Variants in TCTN2 observed in about 807,000 individuals in gnomAD.
TCTN2 encodes the protein tectonic-2.
Under a neutral mutation model 83.4 loss-of-function variants are expected in TCTN2, and 66 were observed. The observed-to-expected ratio is 0.79, with a 90% CI of 0.65 to 0.97. The LOEUF (loss-of-function observed/expected upper bound fraction) is 0.97. TCTN2 is among the 50% of genes least tolerant of loss of function. TCTN2 has a pLI of 0.00. For missense variants in TCTN2, 794 were observed against 858.1 expected, an observed-to-expected ratio of 0.93 and a Z score of 0.93; for synonymous variants, 301 against 326.7, an observed-to-expected ratio of 0.92 and a Z score of 0.85.
In TCTN2 at chr12:123,672,054, A is replaced by T. The variant is rs368944276; in HGVS notation, c.191-2A>T. 1.9e-6 allele frequency: 3 copies of T among 1,613,922 alleles called. No homozygotes were observed. The highest frequency in any genetic ancestry group is 2.5e-6 in the Non-Finnish European group (3 of 1,179,858). On this transcript the variant is annotated splice_acceptor_variant, in intron 2 of 17. Coordinates refer to ENST00000303372, the MANE Select transcript of TCTN2 (RefSeq NM_024809.5). LOFTEE classifies it high-confidence loss of function. ...CTTTGCATGCTGGTCTTCTTTCTTTAGGAATATTGCCAATTCCGACGTGTG... is the reference window on the plus strand; with the variant it reads ...CTTTGCATGCTGGTCTTCTTTCTTTTGGAATATTGCCAATTCCGACGTGTG...
chr12:123,674,424 C>CACGCCCACGCTAT (rs1566243784), intron 4 of TCTN2, among the ~76,000 whole-genome samples: 5 of 151,912 alleles, frequency 3.3e-5, no homozygotes, highest in African/African-American at 1.2e-4. Flanking sequence ...GCTCACGCTA[C>CACGCCCACGCTAT]CACGCCCAGC....
intron 4 of TCTN2, among the ~76,000 whole-genome samples, chr12:123,677,820 G>A (rs1593835871): frequency 6.6e-6 from 1 of 151,924 alleles, no homozygotes; most frequent in Middle Eastern, 3.4e-3. Context: ...AGTATAGATG[G>A]GGTTTCTCCA....
chr12:123,677,626 G>A (rs1272367391), intron 4 of TCTN2, among the ~76,000 whole-genome samples: 1 of 152,052 alleles, frequency 6.6e-6, no homozygotes, highest in South Asian at 2.1e-4. Flanking sequence ...TAAACAACGG[G>A]CCCTGCCAAT....
chr12:123,698,307 G>T (rs577641354), intron 13 of TCTN2, among the ~76,000 whole-genome samples: 1 of 151,920 alleles, frequency 6.6e-6, no homozygotes, highest in East Asian at 1.9e-4. Context: ...CTCCTAAAGT[G>T]CTGGGATTAC....
intron 13 of TCTN2, among the ~76,000 whole-genome samples, chr12:123,697,773 C>T (rs1322530600): frequency 2.6e-5 from 4 of 152,034 alleles, no homozygotes; most frequent in African/African-American, 2.4e-5. Context: ...GGATTATAGG[C>T]GTAAGCCACC....
chr12:123,706,610 T>C, intron 15 of TCTN2, 116 bp from the exon 16 acceptor site: 1 of 1,498,198 alleles, frequency 6.7e-7, no homozygotes, highest in Non-Finnish European at 9.3e-7. Flanking sequence ...CCAGGTAGAA[T>C]GCGAAACTTC....
chr12:123,693,553 A>G (rs1481641462), intron 9 of TCTN2, among the ~76,000 whole-genome samples: 2 of 150,554 alleles, frequency 1.3e-5, no homozygotes, highest in Non-Finnish European at 3.0e-5. Context: ...CCTGGGTTCA[A>G]GCAGTTCTCC....
chr12:123,698,668 C>T (rs1192894133), intron 13 of TCTN2, among the ~76,000 whole-genome samples: 1 of 151,974 alleles, frequency 6.6e-6, no homozygotes, highest in Non-Finnish European at 1.5e-5. Context: ...TGGGCTCAAA[C>T]GATCCTCCTG....
rs1956256778 is a variant in TCTN2, at chr12:123,708,251, C to T, written c.*538C>T. Reference sequence around the variant, plus strand: ...CAGATGATCTGCCCACCTCGGCCTCCCAAAGTGCTGGGATCACAGACGTGA... The same window carrying T: ...CAGATGATCTGCCCACCTCGGCCTCTCAAAGTGCTGGGATCACAGACGTGA... On this transcript the variant is annotated 3_prime_UTR_variant, in exon 18 of 18. Transcript: ENST00000303372. The T allele has an allele frequency of 2.4e-5, 4 of 166,874 alleles. No homozygotes were observed. The South Asian group carries it at 4.4e-4, about 18-fold the overall frequency. The allele number at this position is 166,874 out of a possible 1,614,324, so 10.3% of individuals were successfully genotyped here.
intron 9 of TCTN2, among the ~76,000 whole-genome samples, chr12:123,693,513 T>C (rs969757152): frequency 1.4e-5 from 2 of 139,212 alleles, no homozygotes. Context: ...AGTGCAGTGG[T>C]GTAATCTTGG....
At position 123,688,114 on chromosome 12, in the gene TCTN2, C is replaced by T. The variant is rs1955996563; in HGVS notation, c.828C>T (p.Asp276=). 1 of 1,613,778 alleles carries T rather than the reference C, an allele frequency of 6.2e-7. No homozygotes were observed. Among genetic ancestry groups the T allele is most frequent in the South Asian group, 1.1e-5 (1 of 91,082 alleles). ...YVDTDAKDFA[D]FGYKQGDPIM... is the part of the protein sequence containing the mutation. Reference sequence around the variant, plus strand: ...ATACTGACGCAAAAGACTTTGCAGACTTTGGTTACAAACAAGGAGATCCCA... The same window carrying T: ...ATACTGACGCAAAAGACTTTGCAGATTTTGGTTACAAACAAGGAGATCCCA... The change falls in exon 7 of 18, where the codon GAC becomes GAT. Residue 276 remains aspartate, a synonymous_variant. Transcript: ENST00000303372.
Position 123,692,636 on chromosome 12 carries a change from T to C in TCTN2, c.1034-22T>C, listed in dbSNP as rs776632502. On this transcript the variant is annotated intron_variant, in intron 8 of 17. Coordinates refer to ENST00000303372, the MANE Select transcript of TCTN2 (RefSeq NM_024809.5). ...TAGGCCATGTGTACGCCTGTGGAAG[T>C]TAATTTATGTTATCTCTTTAGGCAT... 19 of 1,596,162 alleles carry C rather than the reference T, an allele frequency of 1.2e-5. No individual in the cohort carries two copies. The South Asian group carries it at 2.1e-4, about 18-fold the overall frequency.
rs764896918 is a variant in TCTN2 at position 123,673,661 on chromosome 12, G to C, written c.314G>C (p.Cys105Ser). 2.5e-5 allele frequency: 40 copies of C among 1,614,224 alleles called. No homozygotes were observed. In the South Asian group the frequency reaches 3.5e-4, roughly 14 times the overall value. Residue 105 changes from cysteine to serine, a missense_variant, in exon 4 of 18, where the codon TGT becomes TCT. Coordinates refer to ENST00000303372, the MANE Select transcript of TCTN2 (RefSeq NM_024809.5). ...TVRWKRGLDWCSSNETDSFSE... is the reference protein window; with the variant it reads ...TVRWKRGLDWSSSNETDSFSE... Reference sequence around the variant, plus strand: ...AGGTGGAAGAGAGGTCTGGACTGGTGTTCCTCCAATGAGACAGATTCCTTC... The same window carrying C: ...AGGTGGAAGAGAGGTCTGGACTGGTCTTCCTCCAATGAGACAGATTCCTTC...
chr12:123,687,158 A>G (rs370606986), intron 6 of TCTN2, 123 bp downstream of exon 6: 3 of 1,103,868 alleles, frequency 2.7e-6, no homozygotes, highest in African/African-American at 1.5e-5. Context: ...TTCCGTGCCT[A>G]AAGGGTTCAA....
chr12:123,702,216 G>A (rs970397062), intron 14 of TCTN2, among the ~76,000 whole-genome samples: 1 of 152,184 alleles, frequency 6.6e-6, no homozygotes, highest in African/African-American at 2.4e-5. Context: ...CCCAATGAGT[G>A]TGCGCATCTG....
intron 5 of TCTN2, among the ~76,000 whole-genome samples, chr12:123,681,961 CCTT>C (rs1446619750): frequency 6.6e-6 from 1 of 152,044 alleles, no homozygotes; most frequent in Non-Finnish European, 1.5e-5. Context: ...TTTATGATTT[CCTT>C]CTTTGTTTTT....
At chr12:123,694,320 G>C (rs903618970) in intron 9 of TCTN2, among the ~76,000 whole-genome samples, 12 of 152,306 alleles carry the variant, frequency 7.9e-5, no homozygotes, top group Admixed American at 7.8e-4. Context: ...GTAGAGACAG[G>C]GTTTCGCCAT....
intron 5 of TCTN2, among the ~76,000 whole-genome samples, chr12:123,681,349 G>C (rs1030336883): frequency 3.3e-5 from 5 of 151,994 alleles, no homozygotes; most frequent in African/African-American, 1.2e-4. Flanking sequence ...TCTATCTTCA[G>C]AACATTTCTA....
intron 7 of TCTN2, 144 bp downstream of exon 7, chr12:123,688,321 T>G: frequency 9.0e-7 from 1 of 1,107,764 alleles, no homozygotes; most frequent in Non-Finnish European, 1.3e-6. Context: ...GTTCAAGTGA[T>G]TCTCCTGCCT....
Sources: gnomAD v4.1 joint callset for allele counts (sites outside exome capture counted in the v4.1 genomes callset) on GRCh38, gnomAD v4.1.1 for gene constraint, MANE v1.5 for transcripts, NCBI Gene and HGNC (gene_info 2026-07-23, HGNC 2026-07-21) for gene names.